KCNK2: variants seen among roughly 807,000 people sequenced by gnomAD.
The protein encoded by KCNK2 is potassium two pore domain channel subfamily K member 2.
KCNK2 carries 21 observed loss-of-function variants against 40.5 expected under a neutral mutation model. The observed-to-expected ratio is 0.52, with a 90% CI of 0.37 to 0.75. The LOEUF (loss-of-function observed/expected upper bound fraction) is 0.75, where lower values mean the gene tolerates loss of function less well. Ranked by LOEUF, KCNK2 falls within the 30% of genes least tolerant of loss-of-function variation. KCNK2 has a pLI of 0.00. For synonymous variants in KCNK2, 191 were observed against 202.2 expected, an observed-to-expected ratio of 0.94 and a Z score of 0.47; for missense variants, 399 against 531.6, an observed-to-expected ratio of 0.75 and a Z score of 2.45.
chr1:215,136,933 A>G (rs923264183), intron 3 of KCNK2, among the ~76,000 whole-genome samples: 3 of 152,188 alleles, frequency 2.0e-5, no homozygotes, highest in Admixed American at 6.5e-5. Flanking sequence ...ACTGTATTTT[A>G]TATTTTAATT....
At chr1:215,209,407 G>GTATTA (rs1665489914) in intron 6 of KCNK2, among the ~76,000 whole-genome samples, 1 of 13,994 alleles carries the variant, frequency 7.1e-5, no homozygotes, top group African/African-American at 2.6e-4. Flanking sequence ...TATAAAATAT[G>GTATTA]CATATATTAT....
intron 3 of KCNK2, among the ~76,000 whole-genome samples, chr1:215,162,397 T>G (rs1663240485): frequency 6.6e-6 from 1 of 152,198 alleles, no homozygotes; most frequent in Non-Finnish European, 1.5e-5. Flanking sequence ...GGTAGTTTCT[T>G]TTGCTGTGCA....
chr1:215,117,419 T>G (rs1179806426), intron 2 of KCNK2, among the ~76,000 whole-genome samples: 1 of 152,130 alleles, frequency 6.6e-6, no homozygotes, highest in African/African-American at 2.4e-5. Flanking sequence ...ACTGTAGAAC[T>G]GTAATGAGAG....
intron 5 of KCNK2, among the ~76,000 whole-genome samples, chr1:215,177,256 C>A (rs1405392763): frequency 1.3e-5 from 2 of 151,990 alleles, no homozygotes; most frequent in Non-Finnish European, 2.9e-5. Flanking sequence ...GGATGTTAGA[C>A]CTTTGTCAGA....
chr1:215,177,382 G>T (rs965690853), intron 5 of KCNK2, among the ~76,000 whole-genome samples: 1 of 151,908 alleles, frequency 6.6e-6, no homozygotes, highest in Non-Finnish European at 1.5e-5. Context: ...GTCAATTTTT[G>T]TTTTAGTTGA....
At chr1:215,165,014 T>C (rs2102628986) in intron 3 of KCNK2, among the ~76,000 whole-genome samples, 1 of 152,204 alleles carries the variant, frequency 6.6e-6, no homozygotes, top group East Asian at 1.9e-4. Context: ...TGCATGTACA[T>C]TTGCCTACTG....
rs146273017 is a variant in KCNK2 at position 215,166,098 on chromosome 1, G to A, written c.476-3101G>A. 5.5e-4 allele frequency among the ~76,000 whole-genome samples: 84 copies of A among 152,220 alleles called. 1 individual carries two copies. Among genetic ancestry groups the A allele is most frequent in the Admixed American group, 4.5e-3 (69 of 15,266 alleles). ...AAAGATTTCAGTAAATTCAGATATTGAATTCCTTGTTATGTAAACATGCAG... is the reference window on the plus strand; with the variant it reads ...AAAGATTTCAGTAAATTCAGATATTAAATTCCTTGTTATGTAAACATGCAG... On this transcript the variant is annotated intron_variant, in intron 3 of 6. Coordinates refer to ENST00000444842, the MANE Select transcript of KCNK2 (RefSeq NM_001017425.3).
At chr1:215,212,629 C>A (rs1301106872) in intron 6 of KCNK2, among the ~76,000 whole-genome samples, 1 of 152,116 alleles carries the variant, frequency 6.6e-6, no homozygotes, top group Non-Finnish European at 1.5e-5. Context: ...TTTTTCCAAC[C>A]TCTCCAATGA....
intron 5 of KCNK2, among the ~76,000 whole-genome samples, chr1:215,189,980 G>A (rs1336341931): frequency 2.0e-5 from 3 of 152,092 alleles, no homozygotes; most frequent in Non-Finnish European, 4.4e-5. Flanking sequence ...CTTTAAAATG[G>A]AGTTATATAT....
chr1:215,080,745 C>T (rs564914797), upstream of KCNK2, among the ~76,000 whole-genome samples: 7 of 152,262 alleles, frequency 4.6e-5, no homozygotes, highest in African/African-American at 1.7e-4. Flanking sequence ...AAACACCTGA[C>T]TGGCCAGGAT....
intron 3 of KCNK2, among the ~76,000 whole-genome samples, chr1:215,161,567 C>G (rs906842069): frequency 6.6e-6 from 1 of 152,012 alleles, no homozygotes; most frequent in African/African-American, 2.4e-5. Context: ...TATCCCTCCC[C>G]TGGCCCCTTA....
chr1:215,029,780 C>G (rs888720225), intron 1 of KCNK2, among the ~76,000 whole-genome samples: 7 of 151,754 alleles, frequency 4.6e-5, no homozygotes, highest in Non-Finnish European at 1.0e-4. Context: ...TAAATAAACT[C>G]CAGACTGTAT....
At chr1:215,016,236 A>G (rs1405488100) in intron 1 of KCNK2, among the ~76,000 whole-genome samples, 1 of 152,184 alleles carries the variant, frequency 6.6e-6, no homozygotes, top group Non-Finnish European at 1.5e-5. Flanking sequence ...TATTCAGAGC[A>G]TGAAGCATAC....
intron 3 of KCNK2, among the ~76,000 whole-genome samples, chr1:215,157,948 C>T (rs1207832743): frequency 1.3e-5 from 2 of 152,130 alleles, no homozygotes; most frequent in Non-Finnish European, 2.9e-5. Flanking sequence ...TAAAGAACCA[C>T]CTGATTGGGT....
intron 1 of KCNK2, among the ~76,000 whole-genome samples, chr1:215,022,199 T>A (rs1656830091): frequency 6.7e-6 from 1 of 149,744 alleles, no homozygotes; most frequent in Admixed American, 6.7e-5. Context: ...AACAGTCAAT[T>A]TGGAATTTCT....
At chr1:215,131,912 C>T (rs1248818137) in intron 3 of KCNK2, among the ~76,000 whole-genome samples, 1 of 152,056 alleles carries the variant, frequency 6.6e-6, no homozygotes, top group Non-Finnish European at 1.5e-5. Context: ...TTGGCTTTTA[C>T]CTAGATTGAA....
At chr1:215,209,746 AT>A (rs1241637624) in intron 6 of KCNK2, among the ~76,000 whole-genome samples, 12 of 574 alleles carry the variant, frequency 0.021, 4 homozygotes, top group South Asian at 0.077. Flanking sequence ...ATATATATAA[AT>A]ATATATTATA....
intron 6 of KCNK2, among the ~76,000 whole-genome samples, chr1:215,213,791 T>C (rs1665840535): frequency 6.6e-6 from 1 of 152,166 alleles, no homozygotes; most frequent in Non-Finnish European, 1.5e-5. Context: ...TCGCCCCACC[T>C]TGCCAAATCA....
upstream of KCNK2, among the ~76,000 whole-genome samples, chr1:215,079,433 G>A (rs1017075416): frequency 6.6e-6 from 1 of 152,232 alleles, no homozygotes; most frequent in African/African-American, 2.4e-5. Flanking sequence ...GCAGGAGGAA[G>A]AGAGTGAAGG....
Sources: allele counts gnomAD v4.1 joint callset (sites outside exome capture counted in the v4.1 genomes callset), GRCh38; gene constraint gnomAD v4.1.1; transcripts MANE v1.5; gene names NCBI Gene and HGNC (gene_info 2026-07-23, HGNC 2026-07-21).